The following GNPAT variants were observed in gnomAD, a reference collection of about 807,000 sequenced individuals.
GNPAT encodes the protein glyceronephosphate O-acyltransferase, also known as dihydroxyacetone phosphate acyltransferase.
GNPAT carries 30 observed loss-of-function variants against 78.4 expected under a neutral mutation model. The ratio of observed to expected loss-of-function variants is 0.38; its 90% CI spans 0.29 to 0.52. GNPAT has a LOEUF of 0.52. Ranked by LOEUF, GNPAT falls within the 20% of genes least tolerant of loss-of-function variation. GNPAT has a pLI of 0.84. For synonymous variants in GNPAT, 271 were observed against 281.1 expected (o/e 0.96, Z 0.36); for missense variants, 714 against 812.2 (o/e 0.88, Z 1.47).
intron 12 of GNPAT, among the ~76,000 whole-genome samples, chr1:231,274,338 A>G (rs1387461468): frequency 1.3e-5 from 2 of 152,196 alleles, no homozygotes; most frequent in Non-Finnish European, 2.9e-5. Flanking sequence ...ACACCCACGC[A>G]TCATCTGTCA....
intron 9 of GNPAT, 36 bp downstream of exon 9, chr1:231,267,939 C>T: frequency 7.9e-7 from 1 of 1,261,470 alleles, no homozygotes; most frequent in Non-Finnish European, 1.2e-6. Flanking sequence ...AGAATGCTTG[C>T]TTAATTTGGA....
intron 2 of GNPAT, among the ~76,000 whole-genome samples, chr1:231,256,449 G>A (rs916878514): frequency 7.0e-6 from 1 of 143,318 alleles, no homozygotes; most frequent in Non-Finnish European, 1.5e-5. Context: ...TCTTTCATAC[G>A]CTGTCAGTCA....
chr1:231,245,917 C>A (rs1032061189), intron 1 of GNPAT, among the ~76,000 whole-genome samples: 2 of 151,632 alleles, frequency 1.3e-5, no homozygotes, highest in Non-Finnish European at 2.9e-5. Flanking sequence ...TGCAGTGAGC[C>A]GAGATTGCGC....
chr1:231,244,421 A>G (rs1684695195), intron 1 of GNPAT, among the ~76,000 whole-genome samples: 1 of 152,226 alleles, frequency 6.6e-6, no homozygotes, highest in African/African-American at 2.4e-5. Flanking sequence ...GTAAATCATC[A>G]TCCTTTGGAA....
chr1:231,255,585 A>T (rs982666631), intron 2 of GNPAT, among the ~76,000 whole-genome samples: 2 of 152,010 alleles, frequency 1.3e-5, no homozygotes, highest in African/African-American at 2.4e-5. Flanking sequence ...CACCATGCCC[A>T]GCTTTTTTTG....
intron 2 of GNPAT, 83 bp downstream of exon 2, chr1:231,251,226 A>C: frequency 2.5e-6 from 2 of 802,062 alleles, no homozygotes; most frequent in East Asian, 4.9e-5. Flanking sequence ...TGCTACTTTA[A>C]TATATCCTTT....
Position 231,260,499 on chromosome 1 carries a change from C to T in GNPAT, c.262-8C>T. Reference sequence around the variant, plus strand: ...TAGAAATTATTCCTGCTTTTCCTTTCCTTTTAGCTTTCCAAGGAATCCCTT... The same window carrying T: ...TAGAAATTATTCCTGCTTTTCCTTTTCTTTTAGCTTTCCAAGGAATCCCTT... On this transcript the variant is annotated splice_polypyrimidine_tract_variant and splice_region_variant and intron_variant, in intron 2 of 15. Coordinates refer to ENST00000366647, the MANE Select transcript of GNPAT (RefSeq NM_014236.4). The T allele has an allele frequency of 6.3e-7, 1 of 1,595,666 alleles. No homozygotes were observed. Among genetic ancestry groups the T allele is most frequent in the Non-Finnish European group, 8.6e-7 (1 of 1,163,700 alleles).
rs974757003 is a variant in GNPAT at position 231,275,553 on chromosome 1, T to C, written c.1937+55T>C. 14 of 988,104 alleles carry C rather than the reference T, an allele frequency of 1.4e-5. No individual in the cohort carries two copies. In the African/African-American group the frequency reaches 2.2e-4, roughly 16 times the overall value. The allele number at this position is 988,104 out of a possible 1,614,324, so 61.2% of individuals were successfully genotyped here. ...TCAAGGAACAAGGAAATGAATGACA[T>C]TTGAGCTCAAAATCCAGAGAGACAT... is the stretch of plus-strand genomic sequence containing the variant. On this transcript the variant is annotated intron_variant, in intron 14 of 15. Transcript: ENST00000366647.
At position 231,275,208 on chromosome 1, in the gene GNPAT, C is replaced by T. The variant is rs188474049; in HGVS notation, c.1744-13C>T. The stretch of plus-strand genomic sequence containing the variant: ...TCTCTTTCTGTTCCCCTCATCCTTC[C>T]TCTTAAAATCAGATAATTTGCAAGT... On this transcript the variant is annotated splice_polypyrimidine_tract_variant and intron_variant, in intron 12 of 15. Coordinates refer to ENST00000366647, the MANE Select transcript of GNPAT (RefSeq NM_014236.4). 45 of 1,488,580 alleles carry T rather than the reference C, an allele frequency of 3.0e-5. No homozygotes were observed. The African/African-American group carries it at 5.4e-4, about 18-fold the overall frequency. 92.2% of individuals were successfully genotyped at this position (1,488,580 alleles called of 1,614,324 possible).
intron 4 of GNPAT, among the ~76,000 whole-genome samples, chr1:231,264,017 A>G (rs1472237159): frequency 1.3e-5 from 2 of 152,152 alleles, no homozygotes; most frequent in Non-Finnish European, 2.9e-5. Flanking sequence ...ATTTGCAAAT[A>G]TTATCTTCCA....
intron 1 of GNPAT, among the ~76,000 whole-genome samples, chr1:231,249,190 G>A (rs1435205063): frequency 6.6e-6 from 1 of 152,116 alleles, no homozygotes; most frequent in East Asian, 1.9e-4. Context: ...GAGAAATGTG[G>A]GATTTGAGAA....
intron 1 of GNPAT, among the ~76,000 whole-genome samples, chr1:231,247,959 C>T (rs533806566): frequency 2.3e-4 from 35 of 152,262 alleles, no homozygotes; most frequent in Non-Finnish European, 4.1e-4. Flanking sequence ...TGTAGATGAT[C>T]GTATTTGGCA....
chr1:231,247,972 C>G (rs914925190), intron 1 of GNPAT, among the ~76,000 whole-genome samples: 4 of 152,186 alleles, frequency 2.6e-5, no homozygotes, highest in Non-Finnish European at 4.4e-5. Context: ...ATTTGGCAAG[C>G]TTTTTCAAAG....
chr1:231,259,287 C>G (rs1026502420), intron 2 of GNPAT, among the ~76,000 whole-genome samples: 1 of 152,068 alleles, frequency 6.6e-6, no homozygotes, highest in Non-Finnish European at 1.5e-5. Context: ...GGATATGCAG[C>G]AAGATAGAGA....
chr1:231,247,020 T>C (rs977323344), intron 1 of GNPAT, among the ~76,000 whole-genome samples: 4 of 152,120 alleles, frequency 2.6e-5, no homozygotes, highest in African/African-American at 4.8e-5. Flanking sequence ...ATACAAAAAA[T>C]TAGCCGGGCA....
At chr1:231,268,366 C>T (rs140785113) in intron 9 of GNPAT, among the ~76,000 whole-genome samples, 3 of 152,288 alleles carry the variant, frequency 2.0e-5, no homozygotes, top group African/African-American at 4.8e-5. Flanking sequence ...ACAGTGAACA[C>T]AGCACGTTGA....
intron 1 of GNPAT, among the ~76,000 whole-genome samples, chr1:231,243,169 CA>C (rs374156241): frequency 3.3e-5 from 5 of 152,240 alleles, no homozygotes; most frequent in African/African-American, 1.2e-4. Context: ...TAAAAGTAAA[CA>C]AACAATCACA....
chr1:231,268,219 C>T (rs1382345253), intron 9 of GNPAT, among the ~76,000 whole-genome samples: 1 of 151,992 alleles, frequency 6.6e-6, no homozygotes, highest in African/African-American at 2.4e-5. Context: ...AGGAGAATGG[C>T]ATGAACCCAG....
intron 1 of GNPAT, among the ~76,000 whole-genome samples, chr1:231,249,724 A>G (rs1239687636): frequency 6.6e-6 from 1 of 152,226 alleles, no homozygotes; most frequent in African/African-American, 2.4e-5. Flanking sequence ...CCTCTAAAGC[A>G]TTTAGAATGC....
Sources: allele counts gnomAD v4.1 joint callset (sites outside exome capture counted in the v4.1 genomes callset), GRCh38; gene constraint gnomAD v4.1.1; transcripts MANE v1.5; gene names NCBI Gene and HGNC (gene_info 2026-07-23, HGNC 2026-07-21).